Variants in PHF14 observed in about 807,000 individuals in gnomAD.
PHF14 encodes the protein PHD finger protein 14.
PHF14 carries 55 observed loss-of-function variants against 117.9 expected under a neutral mutation model. The ratio of observed to expected loss-of-function variants is 0.47; its 90% CI spans 0.38 to 0.58. The LOEUF (loss-of-function observed/expected upper bound fraction) is 0.58, where lower values mean the gene tolerates loss of function less well. PHF14 is among the 20% of genes least tolerant of loss of function. PHF14 has a pLI of 0.00. For synonymous variants in PHF14, 409 were observed against 368.6 expected, an observed-to-expected ratio of 1.11 and a Z score of -1.26; for missense variants, 978 against 1,122.2, an observed-to-expected ratio of 0.87 and a Z score of 1.84.
At chr7:11,115,757 T>C (rs1237206155) in intron 17 of PHF14, among the ~76,000 whole-genome samples, 1 of 152,092 alleles carries the variant, frequency 6.6e-6, no homozygotes, top group Non-Finnish European at 1.5e-5. Flanking sequence ...ATATTTCTTT[T>C]GTCTTGAATC....
intron 17 of PHF14, among the ~76,000 whole-genome samples, chr7:11,165,358 C>T (rs552073494): frequency 2.0e-5 from 3 of 152,174 alleles, no homozygotes; most frequent in African/African-American, 7.2e-5. Flanking sequence ...TTTAATACAT[C>T]GTATCAGGGT....
chr7:11,144,529 A>G (rs967655758), intron 17 of PHF14, among the ~76,000 whole-genome samples: 3 of 150,370 alleles, frequency 2.0e-5, no homozygotes, highest in Admixed American at 6.7e-5. Flanking sequence ...TTAATAAACT[A>G]TGTACCTGCA....
intron 16 of PHF14, among the ~76,000 whole-genome samples, chr7:11,074,802 C>T (rs532572750): frequency 1.9e-4 from 29 of 152,238 alleles, no homozygotes; most frequent in African/African-American, 6.5e-4. Context: ...TATCAGCATT[C>T]GGCCACAACC....
At chr7:11,121,465 C>T (rs190612563) in intron 17 of PHF14, among the ~76,000 whole-genome samples, 1 of 152,240 alleles carries the variant, frequency 6.6e-6, no homozygotes, top group Non-Finnish European at 1.5e-5. Flanking sequence ...CCCCCACTGC[C>T]TACTTAATTG....
At chr7:11,142,249 G>C (rs1788421291) in intron 17 of PHF14, among the ~76,000 whole-genome samples, 1 of 151,774 alleles carries the variant, frequency 6.6e-6, no homozygotes, top group African/African-American at 2.4e-5. Context: ...AGTAAACTCA[G>C]GTATCTTCAC....
At chr7:11,089,095 T>TAA (rs76206106) in intron 16 of PHF14, among the ~76,000 whole-genome samples, 19 of 138,672 alleles carry the variant, frequency 1.4e-4, no homozygotes, top group African/African-American at 4.5e-4. Flanking sequence ...TAATTAGATA[T>TAA]AAAAAAAAAA....
intron 11 of PHF14, among the ~76,000 whole-genome samples, chr7:11,039,801 A>T (rs1418147103): frequency 6.6e-6 from 1 of 152,144 alleles, no homozygotes; most frequent in Non-Finnish European, 1.5e-5. Flanking sequence ...TTAAAAGGTG[A>T]GAATTAGTAG....
intron 16 of PHF14, among the ~76,000 whole-genome samples, chr7:11,082,279 T>C (rs1337413314): frequency 2.6e-5 from 4 of 151,962 alleles, no homozygotes; most frequent in Non-Finnish European, 4.4e-5. Flanking sequence ...TTGGGACATA[T>C]TGAGGCTGCA....
chr7:11,051,175 G>A (rs1784840715), intron 13 of PHF14, among the ~76,000 whole-genome samples: 1 of 151,974 alleles, frequency 6.6e-6, no homozygotes, highest in Non-Finnish European at 1.5e-5. Context: ...TGAGTAGCTG[G>A]GATTATAGGC....
At chr7:11,118,313 C>G (rs753623613) in intron 17 of PHF14, among the ~76,000 whole-genome samples, 1 of 151,620 alleles carries the variant, frequency 6.6e-6, no homozygotes, top group Non-Finnish European at 1.5e-5. Context: ...GGGATAAAGC[C>G]CACAGATTTC....
intron 16 of PHF14, chr7:11,107,511 A>T (rs772475365): frequency 1.8e-5 from 16 of 879,874 alleles, no homozygotes; most frequent in Admixed American, 6.3e-5. Flanking sequence ...GGATTCCTTT[A>T]TGCTCTATAG....
intron 17 of PHF14, among the ~76,000 whole-genome samples, chr7:11,118,162 T>C (rs1033412972): frequency 2.6e-4 from 40 of 151,958 alleles, no homozygotes; most frequent in African/African-American, 9.4e-4. Context: ...TATTGTGTCC[T>C]ATATTAGAAT....
At chr7:11,132,483 C>G (rs1411823485) in intron 17 of PHF14, among the ~76,000 whole-genome samples, 2 of 151,366 alleles carry the variant, frequency 1.3e-5, no homozygotes, top group Non-Finnish European at 3.0e-5. Flanking sequence ...ATTTCTTTAC[C>G]CATTTGTCTG....
chr7:11,093,663 C>G (rs930185568), intron 16 of PHF14, among the ~76,000 whole-genome samples: 2 of 152,186 alleles, frequency 1.3e-5, no homozygotes, highest in African/African-American at 4.8e-5. Flanking sequence ...GCTTGCTGGT[C>G]TGGTGGTATT....
chr7:10,995,389 T>A (rs1439038298), intron 4 of PHF14, among the ~76,000 whole-genome samples: 1 of 151,948 alleles, frequency 6.6e-6, no homozygotes. Context: ...TTTACAAACC[T>A]TGAGCTAGAC....
chr7:11,085,635 C>G (rs1231903813), intron 16 of PHF14, among the ~76,000 whole-genome samples: 1 of 151,990 alleles, frequency 6.6e-6, no homozygotes, highest in Admixed American at 6.6e-5. Flanking sequence ...ACTATCTTTT[C>G]TTGGTTTTGT....
At chr7:11,040,606 T>G in intron 11 of PHF14, 66 bp from the exon 12 acceptor site, 1 of 726,246 alleles carries the variant, frequency 1.4e-6, no homozygotes, top group Non-Finnish European at 2.1e-6. Flanking sequence ...GAGTGGCAAT[T>G]AGAGGAAAAT....
chr7:10,987,418 T>C (rs538476752), intron 3 of PHF14, among the ~76,000 whole-genome samples: 29 of 152,292 alleles, frequency 1.9e-4, no homozygotes, highest in African/African-American at 6.5e-4. Context: ...TACAGTCATA[T>C]GTGGAATATA....
At chr7:10,975,841 A>G (rs1222829525) in intron 2 of PHF14, among the ~76,000 whole-genome samples, 1 of 152,190 alleles carries the variant, frequency 6.6e-6, no homozygotes, top group Middle Eastern at 3.2e-3. Flanking sequence ...TGCCGTGGTT[A>G]GTCACATCTC....
Sources: gnomAD v4.1 joint callset for allele counts (sites outside exome capture counted in the v4.1 genomes callset) on GRCh38, gnomAD v4.1.1 for gene constraint, MANE v1.5 for transcripts, NCBI Gene and HGNC (gene_info 2026-07-23, HGNC 2026-07-21) for gene names.